RARB: variants seen among roughly 807,000 people sequenced by gnomAD.
The protein encoded by RARB is HBV-activated protein.
A neutral mutation model predicts 51.9 loss-of-function variants in RARB; 17 were observed. That is an observed-to-expected ratio of 0.33 (90% CI 0.22 to 0.49). The LOEUF (loss-of-function observed/expected upper bound fraction) is 0.49, where lower values mean the gene tolerates loss of function less well. Ranked by LOEUF, RARB falls within the 20% of genes least tolerant of loss-of-function variation. The pLI is 0.99. For synonymous variants in RARB, 215 were observed against 195.4 expected (o/e 1.10, Z -0.84); for missense variants, 369 against 550.8 (o/e 0.67, Z 3.30).
At chr3:24,989,343 G>T (rs977456937) in intron 2 of RARB, among the ~76,000 whole-genome samples, 7 of 152,168 alleles carry the variant, frequency 4.6e-5, no homozygotes, top group Non-Finnish European at 1.0e-4. Context: ...CCTGGGTGCT[G>T]GAGTCTTTCT....
chr3:24,951,773 G>A (rs1272942322), intron 2 of RARB, among the ~76,000 whole-genome samples: 4 of 152,160 alleles, frequency 2.6e-5, no homozygotes, highest in Non-Finnish European at 4.4e-5. Context: ...TGCTCCTTTG[G>A]TCATTTAATC....
chr3:25,208,272 C>G lies in RARB; in HGVS notation c.178+33697C>G, dbSNP rs531137771. ...TTGTTCTGAATGAGACGCTAAGGAT[C>G]CAAGGATTTCAGTTTCAATCAGGGG... On this transcript the variant is annotated intron_variant, in intron 5 of 11. Coordinates refer to the RARB transcript ENST00000383772. Among the ~76,000 whole-genome samples, 18 of 152,180 alleles carry G rather than the reference C, an allele frequency of 1.2e-4. 2 individuals are homozygous for G. In the South Asian group the frequency reaches 3.1e-3, roughly 26 times the overall value.
chr3:25,189,567 A>AAAGCTTAGACCCT (rs1279637382), intron 5 of RARB, among the ~76,000 whole-genome samples: 2 of 152,092 alleles, frequency 1.3e-5, no homozygotes, highest in African/African-American at 4.8e-5. Context: ...AGCATGTTCA[A>AAAGCTTAGACCCT]AAGCTTAGAC....
chr3:25,121,392 A>G (rs943019015), intron 3 of RARB, among the ~76,000 whole-genome samples: 1 of 151,962 alleles, frequency 6.6e-6, no homozygotes, highest in Non-Finnish European at 1.5e-5. Context: ...ATTTTTAAAG[A>G]AAAAAAATAG....
chr3:25,501,410 G>A lies in RARB; in HGVS notation c.448+87G>A, dbSNP rs1697309280. 9.3e-6 allele frequency: 14 copies of A among 1,499,344 alleles called. No homozygotes were observed. The South Asian group carries it at 1.1e-4, about 12-fold the overall frequency. 92.9% of individuals were successfully genotyped at this position (1,499,344 alleles called of 1,614,324 possible). On this transcript the variant is annotated intron_variant, in intron 3 of 7. Transcript: ENST00000330688. Reference sequence around the variant, plus strand: ...CCACAGTCATGTGGAATTCACACACGACACTAACGAAATCTTGCCAAGGGT... The same window carrying A: ...CCACAGTCATGTGGAATTCACACACAACACTAACGAAATCTTGCCAAGGGT...
intron 2 of RARB, among the ~76,000 whole-genome samples, chr3:24,968,906 A>G (rs1476688323): frequency 6.6e-6 from 1 of 152,120 alleles, no homozygotes; most frequent in Non-Finnish European, 1.5e-5. Context: ...TTTCAGATTC[A>G]TATAAATCAA....
intron 5 of RARB, among the ~76,000 whole-genome samples, chr3:25,412,226 A>G (rs1559389790): frequency 6.6e-6 from 1 of 152,178 alleles, no homozygotes; most frequent in Non-Finnish European, 1.5e-5. Context: ...TCCTTTTTAA[A>G]TTCTCGTCCT....
chr3:25,180,829 A>G (rs918419615), intron 5 of RARB, among the ~76,000 whole-genome samples: 10 of 152,226 alleles, frequency 6.6e-5, no homozygotes, highest in Non-Finnish European at 1.2e-4. Flanking sequence ...TTGTTATTTG[A>G]ACACATCCAA....
intron 3 of RARB, among the ~76,000 whole-genome samples, chr3:25,543,147 C>T (rs531952176): frequency 5.3e-5 from 8 of 151,992 alleles, no homozygotes; most frequent in African/African-American, 1.7e-4. Flanking sequence ...AATATTTGGC[C>T]GAAAATGTCA....
At chr3:25,396,244 A>G (rs1324554889) in intron 5 of RARB, among the ~76,000 whole-genome samples, 2 of 152,218 alleles carry the variant, frequency 1.3e-5, no homozygotes, top group African/African-American at 4.8e-5. Flanking sequence ...GGATACCAGC[A>G]CGTGCTCTGG....
intron 1 of RARB, among the ~76,000 whole-genome samples, chr3:24,838,952 A>C (rs1315702203): frequency 6.6e-6 from 1 of 151,592 alleles, no homozygotes; most frequent in East Asian, 1.9e-4. Flanking sequence ...ATGTCAACTA[A>C]ATCAAAATTA....
At chr3:24,860,429 G>A (rs1026916415) in intron 2 of RARB, among the ~76,000 whole-genome samples, 12 of 152,138 alleles carry the variant, frequency 7.9e-5, no homozygotes, top group Admixed American at 6.5e-5. Flanking sequence ...TTGGCAGAAG[G>A]TTTCTTTACA....
At chr3:25,230,462 C>T (rs1355544724) in intron 5 of RARB, among the ~76,000 whole-genome samples, 1 of 151,918 alleles carries the variant, frequency 6.6e-6, no homozygotes, top group Non-Finnish European at 1.5e-5. Context: ...TCCTATTCAC[C>T]AACATAAATT....
At chr3:25,040,573 A>G (rs1374800133) in intron 2 of RARB, among the ~76,000 whole-genome samples, 1 of 152,236 alleles carries the variant, frequency 6.6e-6, no homozygotes, top group Non-Finnish European at 1.5e-5. Flanking sequence ...TCTCTACTAA[A>G]AATACAAAAA....
intron 3 of RARB, among the ~76,000 whole-genome samples, chr3:25,552,865 G>A (rs1014116054): frequency 2.0e-5 from 3 of 152,068 alleles, no homozygotes; most frequent in African/African-American, 7.3e-5. Context: ...GAGTGAATGG[G>A]GGCTGTTACA....
chr3:24,975,330 C>T (rs980539150), intron 2 of RARB, among the ~76,000 whole-genome samples: 11 of 152,042 alleles, frequency 7.2e-5, no homozygotes, highest in African/African-American at 2.4e-4. Flanking sequence ...TTTTTGTTTA[C>T]TCAGGAAAAA....
intron 5 of RARB, among the ~76,000 whole-genome samples, chr3:25,311,767 G>A (rs778874848): frequency 9.9e-5 from 15 of 152,148 alleles, no homozygotes; most frequent in Non-Finnish European, 1.9e-4. Flanking sequence ...CAATAAGAAT[G>A]GCTTTCCCCA....
chr3:25,060,294 C>T (rs2125303602), intron 3 of RARB: 1 of 151,738 alleles, frequency 6.6e-6, no homozygotes, highest in South Asian at 2.1e-4. Context: ...TTTTGAAAGT[C>T]CTTATTATAT....
At chr3:25,489,541 G>A (rs956410516) in intron 2 of RARB, among the ~76,000 whole-genome samples, 1 of 152,140 alleles carries the variant, frequency 6.6e-6, no homozygotes. Flanking sequence ...CACAAAAAAA[G>A]ATTGTTACAT....
Sources: allele counts gnomAD v4.1 joint callset (sites outside exome capture counted in the v4.1 genomes callset), GRCh38; gene constraint gnomAD v4.1.1; transcripts MANE v1.5; gene names NCBI Gene and HGNC (gene_info 2026-07-23, HGNC 2026-07-21).